The following WDR20 variants were observed in gnomAD, a reference collection of about 807,000 sequenced individuals.
WDR20 encodes the protein WD repeat domain 20.
WDR20 carries 3 observed loss-of-function variants against 38.7 expected under a neutral mutation model. The observed-to-expected ratio is 0.08, with a 90% CI of 0.04 to 0.20. The LOEUF (loss-of-function observed/expected upper bound fraction) is 0.20. Ranked by LOEUF, WDR20 falls within the 10% of genes least tolerant of loss-of-function variation. The probability of loss-of-function intolerance (pLI) is 1.00; values close to 1 mark genes in which losing one functional copy is unlikely to be tolerated. For missense variants in WDR20, 559 were observed against 727.7 expected, an observed-to-expected ratio of 0.77 and a Z score of 2.67; for synonymous variants, 298 against 285.6, an observed-to-expected ratio of 1.04 and a Z score of -0.44.
Position 102,209,782 on chromosome 14 carries a change from G to A in WDR20, c.1612G>A (p.Val538Ile). 1 of 1,614,056 alleles carries A rather than the reference G, an allele frequency of 6.2e-7. No homozygotes were observed. Among genetic ancestry groups the A allele is most frequent in the Non-Finnish European group, 8.5e-7 (1 of 1,180,044 alleles). ...AAAGATAGCACATGAGAGACTGACT[G>A]TACTAATATTTCTTGAAGACTGTAT... ...CKKIAHERLTVLIFLEDCIVT... is the reference protein window; with the variant it reads ...CKKIAHERLTILIFLEDCIVT... The change falls in exon 3 of 3, where the codon GTA (valine) becomes ATA (isoleucine). Residue 538 changes from valine to isoleucine, a missense_variant. Physicochemically the swap from Val to Ile is conservative, Grantham distance 29. Coordinates refer to ENST00000342702, the MANE Select transcript of WDR20 (RefSeq NM_144574.4). This position sits in a 1 kb window ranked among gnomAD's most constrained non-coding sequence, Gnocchi z 6.0.
intron 2 of WDR20, chr14:102,196,006 T>A (rs981038802): frequency 4.6e-5 from 7 of 152,250 alleles, no homozygotes; most frequent in African/African-American, 1.7e-4. Flanking sequence ...CCTTTTGCAT[T>A]GTTGCATGGT....
chr14:102,213,138 A>G (rs951984014), downstream of WDR20: 2 of 986,076 alleles, frequency 2.0e-6, no homozygotes, highest in South Asian at 9.4e-5. Context: ...ACCAGAATTC[A>G]AGAAGCCAGA....
chr14:102,172,513 C>T (rs1396963926), intron 1 of WDR20, among the ~76,000 whole-genome samples: 4 of 149,962 alleles, frequency 2.7e-5, no homozygotes, highest in Admixed American at 6.6e-5. Flanking sequence ...ACCTCCCGGA[C>T]GGGGCGGCTG....
downstream of WDR20, among the ~76,000 whole-genome samples, chr14:102,218,670 A>T (rs188330571): frequency 7.9e-5 from 12 of 152,038 alleles, no homozygotes; most frequent in East Asian, 2.3e-3. Flanking sequence ...TTTTGAACTG[A>T]AGTCTCTAGC....
upstream of WDR20, chr14:102,139,887 C>T (rs1396085598): frequency 6.2e-7 from 1 of 1,600,672 alleles, no homozygotes; most frequent in South Asian, 1.1e-5. Flanking sequence ...TGGGCGTGAT[C>T]CGGGCACTTA....
intron 1 of WDR20, among the ~76,000 whole-genome samples, chr14:102,190,559 C>G (rs1053628363): frequency 6.6e-6 from 1 of 152,088 alleles, no homozygotes; most frequent in African/African-American, 2.4e-5. Flanking sequence ...CACCATTGCA[C>G]TCCAGCCTGG....
intron 1 of WDR20, among the ~76,000 whole-genome samples, chr14:102,189,149 G>A (rs902820551): frequency 1.3e-5 from 2 of 152,096 alleles, no homozygotes; most frequent in African/African-American, 4.8e-5. Context: ...GGCAGAGGTC[G>A]CAGTGAGCCC....
intron 1 of WDR20, among the ~76,000 whole-genome samples, chr14:102,165,849 A>G (rs1431231522): frequency 6.6e-6 from 1 of 151,880 alleles, no homozygotes; most frequent in Non-Finnish European, 1.5e-5. Flanking sequence ...CATATTGCCC[A>G]GGCTGGTCTC....
chr14:102,204,204 C>T (rs1486895830), intron 2 of WDR20, among the ~76,000 whole-genome samples: 2 of 152,052 alleles, frequency 1.3e-5, no homozygotes, highest in Admixed American at 1.3e-4. Flanking sequence ...GGCACTGGTT[C>T]GGCTGTGTCT....
rs367798282 is a variant in WDR20 at position 102,208,813 on chromosome 14, A to C, written c.643A>C (p.Lys215Gln). The C allele has an allele frequency of 6.2e-7, 1 of 1,614,094 alleles. No homozygotes were observed. The highest frequency in any genetic ancestry group is 8.5e-7 in the Non-Finnish European group (1 of 1,180,046). Residue 215 changes from lysine to glutamine, a missense_variant, in exon 3 of 3, where the codon AAG becomes CAG. Transcript: ENST00000342702. This position sits in a 1 kb window ranked among gnomAD's most constrained non-coding sequence, Gnocchi z 5.6. The part of the protein sequence containing the change: ...KSKSTRNPLL[K>Q]WTVGEGALNE... The stretch of plus-strand genomic sequence containing the variant: ...CAAATCCACGAGGAACCCTCTCCTT[A>C]AGTGGACGGTGGGCGAGGGGGCCCT...
At chr14:102,147,996 G>T (rs1364625342) in intron 1 of WDR20, among the ~76,000 whole-genome samples, 2 of 152,194 alleles carry the variant, frequency 1.3e-5, no homozygotes, top group Non-Finnish European at 2.9e-5. Flanking sequence ...CTCCCAAAGT[G>T]CTGGGATTAC....
chr14:102,148,353 A>T (rs1394165573), intron 1 of WDR20, among the ~76,000 whole-genome samples: 1 of 151,978 alleles, frequency 6.6e-6, no homozygotes, highest in Non-Finnish European at 1.5e-5. Flanking sequence ...GAGACCAGCC[A>T]GGGCAACATA....
At chr14:102,174,744 T>G (rs2061703352) in intron 1 of WDR20, among the ~76,000 whole-genome samples, 1 of 152,164 alleles carries the variant, frequency 6.6e-6, no homozygotes, top group Admixed American at 6.5e-5. Context: ...TTATGGCCAT[T>G]GCTACAGGAG....
chr14:102,202,546 A>G (rs1033866703), intron 2 of WDR20, among the ~76,000 whole-genome samples: 5 of 151,038 alleles, frequency 3.3e-5, no homozygotes, highest in African/African-American at 1.2e-4. Flanking sequence ...TGCCCAGCTA[A>G]TTTTTTTGTA....
At chr14:102,178,605 C>A (rs2062686675) in intron 1 of WDR20, among the ~76,000 whole-genome samples, 2 of 151,892 alleles carry the variant, frequency 1.3e-5, no homozygotes, top group African/African-American at 4.8e-5. Flanking sequence ...GCATCAGGAA[C>A]TGTGAGAGCA....
downstream of WDR20, chr14:102,214,587 G>T (rs558250234): frequency 2.0e-6 from 2 of 985,244 alleles, no homozygotes; most frequent in South Asian, 4.7e-5. Flanking sequence ...AAAATTTCCT[G>T]CATTTTTATC....
intron 1 of WDR20, among the ~76,000 whole-genome samples, chr14:102,160,424 C>T (rs921396072): frequency 5.9e-5 from 9 of 152,062 alleles, no homozygotes; most frequent in East Asian, 5.8e-4. Context: ...TGTTGTTACA[C>T]GAATAAGACA....
downstream of WDR20, chr14:102,212,733 G>A (rs2062716563): frequency 1.4e-6 from 2 of 1,425,618 alleles, no homozygotes; most frequent in South Asian, 1.5e-5. Context: ...GGTGTGTAAG[G>A]TGCAATGCGT....
chr14:102,187,468 T>C (rs978834725), intron 1 of WDR20, among the ~76,000 whole-genome samples: 6 of 151,886 alleles, frequency 4.0e-5, no homozygotes, highest in Admixed American at 6.6e-5. Flanking sequence ...GATAGGGGAC[T>C]TTTTTTGGGT....
Sources: allele counts gnomAD v4.1 joint callset (sites outside exome capture counted in the v4.1 genomes callset), GRCh38; gene constraint gnomAD v4.1.1; non-coding constraint Gnocchi (gnomAD v3.1); transcripts MANE v1.5; gene names NCBI Gene and HGNC (gene_info 2026-07-23, HGNC 2026-07-21).